KDM6A: variants seen among roughly 807,000 people sequenced by gnomAD.
The protein encoded by KDM6A is lysine-specific demethylase 6A.
A neutral mutation model predicts 117.6 loss-of-function variants in KDM6A; 11 were observed. That is an observed-to-expected ratio of 0.09 (90% CI 0.06 to 0.15). KDM6A has a LOEUF of 0.15. Among genes scored for constraint, KDM6A ranks in the 10% least tolerant of loss-of-function variants. KDM6A has a pLI of 1.00. For missense variants in KDM6A, 799 were observed against 1,077.3 expected, an observed-to-expected ratio of 0.74 and a Z score of 3.62; for synonymous variants, 384 against 396.1, an observed-to-expected ratio of 0.97 and a Z score of 0.36.
In KDM6A at chrX:45,070,135, C is replaced by T. The variant is rs2148052235; in HGVS notation, c.2636C>T (p.Thr879Ile). ...SSPSSAISTA[T>I]PSPKSTEQTT... ...CCATCTTCAGCCATTTCAACAGCAA[C>T]ACCTTCTCCAAAATCCACTGAGCAG... is the stretch of plus-strand genomic sequence containing the variant. Residue 879 changes from threonine to isoleucine, a missense_variant, in exon 18 of 30, where the codon ACA becomes ATA. Transcript: ENST00000611820. The T allele has an allele frequency of 8.3e-7, 1 of 1,211,493 alleles. No individual in the cohort carries two copies. Among genetic ancestry groups the T allele is most frequent in the Non-Finnish European group, 1.1e-6 (1 of 895,147 alleles).
chrX:45,045,706 A>C (rs1207892299), intron 8 of KDM6A, among the ~76,000 whole-genome samples: 2 of 111,351 alleles, frequency 1.8e-5, no homozygotes, highest in East Asian at 5.6e-4. Context: ...ATTCCTTTTT[A>C]AGACCGAATA....
chrX:45,041,105 T>C (rs1199409459), intron 8 of KDM6A, among the ~76,000 whole-genome samples: 53 of 36,292 alleles, frequency 1.5e-3, no homozygotes, highest in Admixed American at 2.0e-3. Flanking sequence ...CCGGACGGGG[T>C]GGCTGGCCGG....
chrX:44,998,577 GTTTTA>G (rs1272312078), intron 4 of KDM6A, among the ~76,000 whole-genome samples: 2 of 110,350 alleles, frequency 1.8e-5, no homozygotes, highest in East Asian at 2.9e-4. Flanking sequence ...GTTTTGTTTT[GTTTTA>G]TTTTATTTTA....
chrX:45,050,353 A>G (rs189684795), intron 8 of KDM6A, among the ~76,000 whole-genome samples: 1 of 112,288 alleles, frequency 8.9e-6, no homozygotes, highest in East Asian at 2.8e-4. Flanking sequence ...AAAAACAAAC[A>G]AACGAAAAAA....
chrX:45,031,510 G>C (rs1004622027), intron 6 of KDM6A, among the ~76,000 whole-genome samples: 40 of 112,033 alleles, frequency 3.6e-4, no homozygotes, highest in African/African-American at 1.3e-3. Flanking sequence ...GTTTAACTCT[G>C]TATATTAGAA....
At chrX:44,881,600 C>T (rs1377745399) in intron 2 of KDM6A, among the ~76,000 whole-genome samples, 1 of 108,950 alleles carries the variant, frequency 9.2e-6, no homozygotes, top group Non-Finnish European at 1.9e-5. Context: ...CATTTGTTTA[C>T]TTCTGTATAT....
intron 2 of KDM6A, among the ~76,000 whole-genome samples, chrX:44,941,481 G>GTT (rs768090847): frequency 9.4e-4 from 90 of 95,653 alleles, no homozygotes; most frequent in African/African-American, 3.2e-3. Flanking sequence ...TTCTGTACCA[G>GTT]TTTTTTTTTT....
rs749218008 is a variant in KDM6A at position 45,061,414 on chromosome X, T to G, written c.1576T>G (p.Leu526Val). 2.0e-5 allele frequency: 22 copies of G among 1,090,190 alleles called. No individual in the cohort carries two copies. Among genetic ancestry groups the G allele is most frequent in the Non-Finnish European group, 2.8e-5 (22 of 789,770 alleles). The allele number at this position is 1,090,190 out of a possible 1,213,427, so 89.8% of individuals were successfully genotyped here. The change falls in exon 15 of 30, where the codon TTA becomes GTA. Residue 526 changes from leucine (L) to valine (V), a missense_variant. By Grantham distance (32) the Leu-to-Val change is conservative. This residue lies in a region of KDM6A where 301 missense variants were observed against 318.3 expected (regional missense o/e 0.95). Coordinates refer to ENST00000611820, the MANE Select transcript of KDM6A (RefSeq NM_001291415.2). ...TTCATGGTGTTTGACACCACAGAAA[T>G]TACAGGTATGTAAGATGTTTTTGAC... ...AHSWCLTPQKLQHLEQLRANR... is the reference protein window; with the variant it reads ...AHSWCLTPQKVQHLEQLRANR...
At chrX:44,894,804 G>A (rs1237327918) in intron 2 of KDM6A, among the ~76,000 whole-genome samples, 1 of 103,716 alleles carries the variant, frequency 9.6e-6, no homozygotes, top group Non-Finnish European at 2.0e-5. Context: ...TAGTTGAGAC[G>A]GGGCTCAGGC....
At chrX:44,969,479 G>A (rs932731190) in intron 3 of KDM6A, among the ~76,000 whole-genome samples, 5 of 92,490 alleles carry the variant, frequency 5.4e-5, no homozygotes, top group South Asian at 6.2e-4. Flanking sequence ...GTCCAGTGGC[G>A]CGATCTCGGC....
intron 2 of KDM6A, among the ~76,000 whole-genome samples, chrX:44,947,266 T>A (rs1403415140): frequency 9.0e-6 from 1 of 111,418 alleles, no homozygotes. Context: ...TAGTACTGTG[T>A]TTGATTTTGG....
At chrX:45,074,530 A>G (rs995458342) in intron 18 of KDM6A, among the ~76,000 whole-genome samples, 2 of 111,945 alleles carry the variant, frequency 1.8e-5, no homozygotes, top group African/African-American at 6.5e-5. Flanking sequence ...AATTGACCTT[A>G]ATAGGCAGGT....
At chrX:44,959,769 T>G (rs2038567824) in intron 2 of KDM6A, among the ~76,000 whole-genome samples, 1 of 111,683 alleles carries the variant, frequency 9.0e-6, no homozygotes, top group African/African-American at 3.2e-5. Flanking sequence ...ATAAAAAGGA[T>G]TTTGAAATTT....
chrX:44,873,737 G>C (rs1356421560), intron 1 of KDM6A, 25 bp downstream of exon 1: 1 of 1,162,946 alleles, frequency 8.6e-7, no homozygotes, highest in South Asian at 1.9e-5. Context: ...CACTCGCCCG[G>C]TCGGCTCCGG....
intron 4 of KDM6A, among the ~76,000 whole-genome samples, chrX:44,988,253 C>T (rs1160324897): frequency 7.2e-5 from 8 of 111,874 alleles, no homozygotes; most frequent in Non-Finnish European, 1.3e-4. Context: ...TGGTTTTCAG[C>T]TCCATCAGGT....
chrX:44,957,417 T>C (rs148958156), intron 2 of KDM6A, among the ~76,000 whole-genome samples: 5,627 of 112,053 alleles, frequency 0.05, 359 homozygotes, highest in African/African-American at 0.17. Flanking sequence ...ATGAAAAAAA[T>C]TAAATTAGTT....
intron 4 of KDM6A, among the ~76,000 whole-genome samples, 178 bp downstream of exon 4, chrX:44,974,893 C>G (rs2039544862): frequency 1.8e-5 from 2 of 111,509 alleles, no homozygotes; most frequent in Non-Finnish European, 3.8e-5. Flanking sequence ...TTGTATGACT[C>G]TCCTTGTATT....
At position 45,106,417 on chromosome X, in the gene KDM6A, T is replaced by C. The variant is rs992471087; in HGVS notation, c.4035-993T>C. Reference sequence around the variant, plus strand: ...ATTTGAATTTTAGTTGTGTATTGATTAAGCTACTATATGCTAGGCACTGCC... The same window carrying C: ...ATTTGAATTTTAGTTGTGTATTGATCAAGCTACTATATGCTAGGCACTGCC... On this transcript the variant is annotated intron_variant, in intron 27 of 29. Coordinates refer to ENST00000611820, the MANE Select transcript of KDM6A (RefSeq NM_001291415.2). 5 of 218,755 alleles carry C rather than the reference T, an allele frequency of 2.3e-5. No homozygotes were observed. The East Asian group carries it at 5.8e-4, about 25-fold the overall frequency. The allele number at this position is 218,755 out of a possible 1,213,427, so 18.0% of individuals were successfully genotyped here.
chrX:44,925,723 A>G (rs2036264350), intron 2 of KDM6A, among the ~76,000 whole-genome samples: 3 of 111,230 alleles, frequency 2.7e-5, no homozygotes, highest in South Asian at 7.5e-4. Context: ...CCTAATGCAA[A>G]CACACGTATT....
Sources: gnomAD v4.1 joint callset for allele counts (sites outside exome capture counted in the v4.1 genomes callset) on GRCh38, gnomAD v4.1.1 for gene constraint, gnomAD v4.1.1 regional missense constraint, MANE v1.5 for transcripts, NCBI Gene and HGNC (gene_info 2026-07-23, HGNC 2026-07-21) for gene names.